The following ITGA1 variants were observed in gnomAD, a reference collection of about 807,000 sequenced individuals.
ITGA1 encodes the protein integrin subunit alpha 1.
ITGA1 carries 85 observed loss-of-function variants against 145.9 expected under a neutral mutation model. The observed-to-expected ratio is 0.58, with a 90% confidence interval of 0.49 to 0.70. ITGA1 has a LOEUF of 0.70. Ranked by LOEUF, ITGA1 falls within the 30% of genes least tolerant of loss-of-function variation. The pLI is 0.00. For missense variants in ITGA1, 1,351 were observed against 1,418.7 expected (o/e 0.95, Z 0.77); for synonymous variants, 520 against 495.3 (o/e 1.05, Z -0.66).
chr5:52,905,736 G>T, intron 11 of ITGA1, 27 bp from the exon 12 acceptor site: 2 of 1,595,958 alleles, frequency 1.3e-6, no homozygotes, highest in South Asian at 1.1e-5. Context: ...GGTCCAGGTG[G>T]TATACCTGGA....
intron 1 of ITGA1, among the ~76,000 whole-genome samples, chr5:52,834,851 C>T (rs369072272): frequency 6.6e-6 from 1 of 152,070 alleles, no homozygotes; most frequent in Non-Finnish European, 1.5e-5. Context: ...TTTCCAAATG[C>T]TGTCACTTTA....
rs1318385325 is a variant in ITGA1, at chr5:52,952,549, A to G, written c.*98A>G. ...GAAATGTATAATTCATGACATAGTCATGTAACTATGTAATCCATCAGGGAT... is the reference window on the plus strand; with the variant it reads ...GAAATGTATAATTCATGACATAGTCGTGTAACTATGTAATCCATCAGGGAT... On this transcript the variant is annotated 3_prime_UTR_variant, in exon 29 of 29. Transcript: ENST00000282588. 8 of 495,624 alleles carry G rather than the reference A, an allele frequency of 1.6e-5. No homozygotes were observed. Among genetic ancestry groups the G allele is most frequent in the Non-Finnish European group, 2.9e-5 (8 of 279,774 alleles). The allele number at this position is 495,624 out of a possible 1,614,324, so 30.7% of individuals were successfully genotyped here.
intron 24 of ITGA1, among the ~76,000 whole-genome samples, chr5:52,938,243 G>A (rs1751001266): frequency 6.6e-6 from 1 of 152,104 alleles, no homozygotes. Context: ...ATGCACAGCT[G>A]CAAACAAAAT....
chr5:52,849,407 A>T lies in ITGA1; in HGVS notation c.104A>T (p.Asn35Ile). The change falls in exon 2 of 29, where the codon AAT becomes ATT. Residue 35 changes from asparagine to isoleucine, a missense_variant. Coordinates refer to ENST00000282588, the MANE Select transcript of ITGA1 (RefSeq NM_181501.2). ...CCVSFNVDVKNSMTFSGPVED... is the reference protein window; with the variant it reads ...CCVSFNVDVKISMTFSGPVED... ...GTATCATTCAATGTTGATGTGAAAA[A>T]TTCAATGACTTTCAGCGGCCCGGTG... The T allele has an allele frequency of 6.2e-7, 1 of 1,612,402 alleles. No homozygotes were observed. Among genetic ancestry groups the T allele is most frequent in the East Asian group, 2.2e-5 (1 of 44,850 alleles).
intron 24 of ITGA1, among the ~76,000 whole-genome samples, 167 bp from the exon 25 acceptor site, chr5:52,939,423 T>G (rs936806927): frequency 6.6e-6 from 1 of 152,228 alleles, no homozygotes; most frequent in African/African-American, 2.4e-5. Flanking sequence ...TATATATGTA[T>G]GTATGGCTGG....
chr5:52,853,222 T>G (rs1749455551), intron 2 of ITGA1, among the ~76,000 whole-genome samples: 1 of 152,148 alleles, frequency 6.6e-6, no homozygotes, highest in Non-Finnish European at 1.5e-5. Context: ...ATACCTAAAT[T>G]TCCAAACTTT....
chr5:52,910,164 A>G lies in ITGA1; in HGVS notation c.1602A>G (p.Thr534=). The change falls in exon 14 of 29, where the codon ACA becomes ACG. Residue 534 remains threonine (T), a splice_region_variant and synonymous_variant. Transcript: ENST00000282588. The part of the protein sequence containing the change: ...GKVYVYALNQ[T]RFEYQMSLEP... Reference sequence around the variant, plus strand: ...TATCCTGTTTATCTTTCTTCCAGACAAGGTTTGAATATCAAATGAGCCTGG... The same window carrying G: ...TATCCTGTTTATCTTTCTTCCAGACGAGGTTTGAATATCAAATGAGCCTGG... 1 of 1,599,236 alleles carries G rather than the reference A, an allele frequency of 6.3e-7. No homozygotes were observed. Among genetic ancestry groups the G allele is most frequent in the Non-Finnish European group, 8.6e-7 (1 of 1,168,142 alleles).
Position 52,915,464 on chromosome 5 carries a change from C to T in ITGA1, c.1858C>T (p.Arg620Cys), listed in dbSNP as rs1415467747. ...AACTCTTTTTTTTGGATTCTCACAG[C>T]GTATTCCATCAGGTGGGGATGGTAA... Reference protein sequence around the residue: ...GKTIRKEYAQRIPSGGDGKTL... With the variant: ...GKTIRKEYAQCIPSGGDGKTL... Residue 620 changes from arginine (R) to cysteine (C), a missense_variant and splice_region_variant, in exon 15 of 29, where the codon CGT (arginine) becomes TGT (cysteine). By Grantham distance (180) the Arg-to-Cys change is radical. Coordinates refer to ENST00000282588, the MANE Select transcript of ITGA1 (RefSeq NM_181501.2). The T allele has an allele frequency of 1.2e-6, 2 of 1,613,622 alleles. No individual in the cohort carries two copies.
intron 9 of ITGA1, among the ~76,000 whole-genome samples, chr5:52,896,853 A>G (rs1750234717): frequency 6.6e-6 from 1 of 152,196 alleles, no homozygotes; most frequent in Non-Finnish European, 1.5e-5. Context: ...GGGCAGCCCT[A>G]TCACAAAGAC....
chr5:52,851,180 A>G (rs1337836445), intron 2 of ITGA1, among the ~76,000 whole-genome samples: 1 of 152,150 alleles, frequency 6.6e-6, no homozygotes, highest in Non-Finnish European at 1.5e-5. Context: ...TGAAATTCTC[A>G]TTTTCAATTT....
intron 14 of ITGA1, among the ~76,000 whole-genome samples, chr5:52,912,134 C>T (rs149371293): frequency 0.041 from 5,514 of 134,266 alleles, 304 homozygotes; most frequent in African/African-American, 0.11. Context: ...CTATATATAG[C>T]GTATCTAGTA....
At position 52,929,656 on chromosome 5, in the gene ITGA1, C is replaced by A; in HGVS notation, c.2726C>A (p.Thr909Lys). The change falls in exon 21 of 29, where the codon ACA (threonine) becomes AAA (lysine). Residue 909 changes from threonine to lysine, a missense_variant. Thr to Lys is a moderately conservative substitution (Grantham distance 78). Transcript: ENST00000282588. The part of the protein sequence containing the change: ...VTFKILFQFN[T>K]SYLMENVTIY... ...TTCAAAATATTGTTTCAGTTTAACA[C>A]ATCCTATCTCATGGAAAATGTGACC... is the stretch of plus-strand genomic sequence containing the variant. The A allele has an allele frequency of 6.3e-7, 1 of 1,589,866 alleles. No individual in the cohort carries two copies. The highest frequency in any genetic ancestry group is 8.6e-7 in the Non-Finnish European group (1 of 1,161,202).
At chr5:52,877,759 C>T (rs1455181805) in intron 6 of ITGA1, among the ~76,000 whole-genome samples, 1 of 152,178 alleles carries the variant, frequency 6.6e-6, no homozygotes, top group Non-Finnish European at 1.5e-5. Context: ...CTGTTTTCTT[C>T]CACCTCTGGC....
chr5:52,912,108 C>T (rs1404204834), intron 14 of ITGA1, among the ~76,000 whole-genome samples: 1 of 136,358 alleles, frequency 7.3e-6, no homozygotes, highest in African/African-American at 2.7e-5. Context: ...TATAGCGTAT[C>T]TAGTATATAG....
Position 52,958,410 on chromosome 5 carries a change from G to A in ITGA1, c.*5959G>A, listed in dbSNP as rs1342474717. On this transcript the variant is annotated 3_prime_UTR_variant, in exon 29 of 29. Transcript: ENST00000282588. ...AATAAGAGCAAAACTATATTCTTATGTGTAGATTAACCAAGGCTAATTTCC... is the reference window on the plus strand; with the variant it reads ...AATAAGAGCAAAACTATATTCTTATATGTAGATTAACCAAGGCTAATTTCC... The A allele has an allele frequency of 6.6e-6, 1 of 152,184 alleles. No homozygotes were observed. The highest frequency in any genetic ancestry group is 2.4e-5 in the African/African-American group (1 of 41,444). The allele number at this position is 152,184 out of a possible 1,614,324, so 9.4% of individuals were successfully genotyped here. A position where few individuals can be genotyped will look rare whatever the true frequency, so the allele number is the denominator to read the frequency against.
At chr5:52,837,992 A>G (rs1397661042) in intron 1 of ITGA1, among the ~76,000 whole-genome samples, 1 of 152,204 alleles carries the variant, frequency 6.6e-6, no homozygotes, top group Non-Finnish European at 1.5e-5. Flanking sequence ...TTTCTTATAA[A>G]CAAACTTTAA....
intron 19 of ITGA1, among the ~76,000 whole-genome samples, chr5:52,927,101 A>T (rs1362904768): frequency 6.6e-6 from 1 of 152,218 alleles, no homozygotes; most frequent in East Asian, 1.9e-4. Context: ...AAACCACTTG[A>T]TAGAAAATCA....
intron 26 of ITGA1, among the ~76,000 whole-genome samples, chr5:52,942,054 T>TAAAC (rs1751061694): frequency 1.3e-5 from 2 of 152,288 alleles, no homozygotes; most frequent in Non-Finnish European, 2.9e-5. Flanking sequence ...ATTGCTTGTT[T>TAAAC]TTGTTGGCTT....
intron 1 of ITGA1, among the ~76,000 whole-genome samples, chr5:52,826,916 A>T (rs1748975729): frequency 6.6e-6 from 1 of 152,172 alleles, no homozygotes; most frequent in Non-Finnish European, 1.5e-5. Context: ...CTGATACAAG[A>T]TTCATTCTGT....
Sources: allele counts gnomAD v4.1 joint callset (sites outside exome capture counted in the v4.1 genomes callset), GRCh38; gene constraint gnomAD v4.1.1; transcripts MANE v1.5; gene names NCBI Gene and HGNC (gene_info 2026-07-23, HGNC 2026-07-21).